Variants in CTNND2 observed in about 807,000 individuals in gnomAD.
The protein encoded by CTNND2 is catenin delta-2.
CTNND2 carries 22 observed loss-of-function variants against 144.4 expected under a neutral mutation model. That is an observed-to-expected ratio of 0.15 (90% CI 0.11 to 0.22). The LOEUF (loss-of-function observed/expected upper bound fraction) is 0.22, where lower values mean the gene tolerates loss of function less well. Among genes scored for constraint, CTNND2 ranks in the 10% least tolerant of loss-of-function variants. The pLI, the probability that CTNND2 is intolerant of heterozygous loss-of-function variation, is 1.00. For missense variants in CTNND2, 1,353 were observed against 1,618.8 expected (o/e 0.84, Z 2.82); for synonymous variants, 751 against 695.6 (o/e 1.08, Z -1.25).
At chr5:10,984,723 GC>G (rs1189575302) in intron 20 of CTNND2, among the ~76,000 whole-genome samples, 1 of 152,284 alleles carries the variant, frequency 6.6e-6, no homozygotes, top group East Asian at 1.9e-4. Context: ...TTTTCTAACA[GC>G]CCCCAAATAC....
intron 3 of CTNND2, among the ~76,000 whole-genome samples, chr5:11,538,620 T>C (rs902832017): frequency 3.0e-4 from 45 of 152,220 alleles, no homozygotes; most frequent in Non-Finnish European, 1.0e-4. Flanking sequence ...TGAGAAACTT[T>C]ATTTATAATA....
intron 11 of CTNND2, among the ~76,000 whole-genome samples, chr5:11,188,282 G>C (rs1735861495): frequency 6.6e-6 from 1 of 152,166 alleles, no homozygotes; most frequent in Non-Finnish European, 1.5e-5. Context: ...CCATAAAAAG[G>C]AGTGAGATCA....
intron 7 of CTNND2, among the ~76,000 whole-genome samples, chr5:11,378,704 G>C (rs193222328): frequency 6.6e-6 from 1 of 152,098 alleles, no homozygotes; most frequent in South Asian, 2.1e-4. Flanking sequence ...AAACAAACTC[G>C]TTCATTACCC....
chr5:11,459,545 T>G (rs945163574), intron 3 of CTNND2, among the ~76,000 whole-genome samples: 1 of 152,224 alleles, frequency 6.6e-6, no homozygotes, highest in Non-Finnish European at 1.5e-5. Flanking sequence ...AGACTTAAAG[T>G]TGCCTGACTT....
chr5:11,469,025 T>G (rs1464226262), intron 3 of CTNND2, among the ~76,000 whole-genome samples: 1 of 152,148 alleles, frequency 6.6e-6, no homozygotes, highest in African/African-American at 2.4e-5. Flanking sequence ...GGAGTTTGGG[T>G]TTCTCATGGG....
At chr5:11,194,467 T>C (rs1736655735) in intron 11 of CTNND2, among the ~76,000 whole-genome samples, 1 of 152,086 alleles carries the variant, frequency 6.6e-6, no homozygotes, top group Admixed American at 6.6e-5. Context: ...GTACTGAGGA[T>C]ATTTGGGCCT....
At chr5:11,395,243 G>A (rs192981388) in intron 6 of CTNND2, among the ~76,000 whole-genome samples, 152 of 152,262 alleles carry the variant, frequency 1.0e-3, no homozygotes, top group Non-Finnish European at 1.8e-3. Context: ...AGTCACAGGC[G>A]CTACAGAATA....
At position 11,018,032 on chromosome 5, in the gene CTNND2, G is replaced by A. The variant is rs770201668; in HGVS notation, c.3026C>T (p.Ala1009Val). 22 of 1,613,326 alleles carry A rather than the reference G, an allele frequency of 1.4e-5. No individual in the cohort carries two copies. Among genetic ancestry groups the A allele is most frequent in the Non-Finnish European group, 1.8e-5 (21 of 1,179,470 alleles). The change falls in exon 18 of 22, where the codon GCA (alanine) becomes GTA (valine). Residue 1009 changes from alanine to valine, a missense_variant. Physicochemically the swap from Ala to Val is moderately conservative, Grantham distance 64. Around this residue, in one of 4 missense-constraint regions of CTNND2, gnomAD observed 459 missense variants for 674.3 expected, o/e 0.68. Coordinates refer to ENST00000304623, the MANE Select transcript of CTNND2 (RefSeq NM_001332.4). ...DKHSPKVVKAASQVLNSMWQY... is the reference protein window; with the variant it reads ...DKHSPKVVKAVSQVLNSMWQY... ...CCACATGCTGTTGAGGACCTGAGAT[G>A]CAGCCTTGACCACTTTTGGAGAGTG...
chr5:11,309,078 C>A (rs944761535), intron 9 of CTNND2, among the ~76,000 whole-genome samples: 5 of 152,224 alleles, frequency 3.3e-5, no homozygotes, highest in Non-Finnish European at 7.3e-5. Context: ...TGTCTTCCAA[C>A]ATTGGGGATT....
At chr5:11,217,545 TGCTCATGCATTTAGTG>T (rs1739323288) in intron 10 of CTNND2, among the ~76,000 whole-genome samples, 1 of 152,214 alleles carries the variant, frequency 6.6e-6, no homozygotes, top group Non-Finnish European at 1.5e-5. Context: ...TGAGGCTTCC[TGCTCATGCATTTAGTG>T]GACATCTCTG....
intron 1 of CTNND2, among the ~76,000 whole-genome samples, chr5:11,780,106 G>A (rs1790462342): frequency 3.3e-5 from 5 of 152,138 alleles, no homozygotes; most frequent in Admixed American, 2.6e-4. Flanking sequence ...GCTGAGACCT[G>A]AGTATCTACT....
chr5:11,238,162 C>A (rs1333879731), intron 9 of CTNND2, among the ~76,000 whole-genome samples: 1 of 152,150 alleles, frequency 6.6e-6, no homozygotes, highest in Non-Finnish European at 1.5e-5. Flanking sequence ...ACCAGTTAGA[C>A]CATGCTGCTA....
intron 11 of CTNND2, among the ~76,000 whole-genome samples, chr5:11,195,434 G>A (rs986013605): frequency 1.3e-5 from 2 of 152,226 alleles, no homozygotes; most frequent in Admixed American, 1.3e-4. Context: ...CAGGATTGCT[G>A]TGCAGGTCTG....
intron 1 of CTNND2, among the ~76,000 whole-genome samples, chr5:11,846,253 G>C (rs1428781029): frequency 6.6e-6 from 1 of 152,058 alleles, no homozygotes; most frequent in Admixed American, 6.6e-5. Context: ...TATGGCATAT[G>C]GGCTGTCAGT....
At chr5:11,083,153 T>TA (rs1333215936) in intron 15 of CTNND2, among the ~76,000 whole-genome samples, 15 of 152,320 alleles carry the variant, frequency 9.8e-5, no homozygotes, top group African/African-American at 3.6e-4. Flanking sequence ...TGCTTCAAGA[T>TA]ACAGAGGTTT....
chr5:11,081,086 A>ACACACACACACACACACT (rs1193451731), intron 16 of CTNND2, among the ~76,000 whole-genome samples: 210 of 148,486 alleles, frequency 1.4e-3, no homozygotes, highest in Middle Eastern at 0.011. Context: ...ACACACACAC[A>ACACACACACACACACACT]CACACACACA....
At chr5:11,698,938 ATTTTC>A (rs1484500518) in intron 2 of CTNND2, among the ~76,000 whole-genome samples, 1 of 150,544 alleles carries the variant, frequency 6.6e-6, no homozygotes, top group Non-Finnish European at 1.5e-5. Context: ...CAATAAGCAT[ATTTTC>A]TTTTCTTAAT....
intron 15 of CTNND2, among the ~76,000 whole-genome samples, chr5:11,090,155 T>C (rs1266334332): frequency 1.3e-5 from 2 of 152,186 alleles, no homozygotes; most frequent in Non-Finnish European, 2.9e-5. Context: ...CTTGTTTGTC[T>C]CCAGGACTGA....
At chr5:11,514,245 T>C (rs1771937046) in intron 3 of CTNND2, among the ~76,000 whole-genome samples, 1 of 152,002 alleles carries the variant, frequency 6.6e-6, no homozygotes, top group East Asian at 1.9e-4. Flanking sequence ...AGTTTCAATA[T>C]ACACATATAT....
Sources: allele counts gnomAD v4.1 joint callset (sites outside exome capture counted in the v4.1 genomes callset), GRCh38; gene constraint gnomAD v4.1.1; regional missense constraint gnomAD v4.1.1; transcripts MANE v1.5; gene names NCBI Gene and HGNC (gene_info 2026-07-23, HGNC 2026-07-21).